Variants in CEP63 observed in about 807,000 individuals in gnomAD.
CEP63 encodes centrosomal protein 63, also known as centrosomal protein of 63 kDa.
CEP63 carries 84 observed loss-of-function variants against 89.1 expected under a neutral mutation model. The observed-to-expected ratio is 0.94, with a 90% CI of 0.79 to 1.13. The LOEUF (loss-of-function observed/expected upper bound fraction) is 1.13. CEP63 is among the 50% of genes most tolerant of loss of function. The pLI is 0.00. For synonymous variants in CEP63, 267 were observed against 272.5 expected (o/e 0.98, Z 0.20); for missense variants, 838 against 813.3 (o/e 1.03, Z -0.37).
chr3:134,532,588 A>T lies in CEP63; in HGVS notation c.319-190A>T, dbSNP rs529218068. On this transcript the variant is annotated intron_variant, in intron 4 of 14. Coordinates refer to ENST00000675561, the MANE Select transcript of CEP63 (RefSeq NM_001353108.3). Reference sequence around the variant, plus strand: ...AATTTTTTTTAAAATTTTTTCTTTGAATATATTTCTTTAGTAGTGTTTGTT... The same window carrying T: ...AATTTTTTTTAAAATTTTTTCTTTGTATATATTTCTTTAGTAGTGTTTGTT... Among the ~76,000 whole-genome samples the T allele has an allele frequency of 3.2e-4, 48 of 152,184 alleles. 1 individual carries two copies. Among genetic ancestry groups the T allele is most frequent in the Middle Eastern group, 6.8e-3 (2 of 294 alleles).
At chr3:134,520,643 TA>T (rs1947239139) in intron 3 of CEP63, among the ~76,000 whole-genome samples, 1 of 152,112 alleles carries the variant, frequency 6.6e-6, no homozygotes, top group South Asian at 2.1e-4. Flanking sequence ...CAAGATTTAT[TA>T]AAAACTATAT....
chr3:134,648,315 C>G, the CEP63 span, among the ~76,000 whole-genome samples: 1 of 152,126 alleles, frequency 6.6e-6, no homozygotes, highest in Non-Finnish European at 1.5e-5. Context: ...ACTCAGGGGC[C>G]GCCACTCTCT....
chr3:134,622,910 G>A, the CEP63 span, among the ~76,000 whole-genome samples: 1 of 152,166 alleles, frequency 6.6e-6, no homozygotes, highest in Non-Finnish European at 1.5e-5. Context: ...AGAGATTCCA[G>A]GACTCACCTG....
At chr3:134,627,132 A>G in the CEP63 span, among the ~76,000 whole-genome samples, 4 of 152,256 alleles carry the variant, frequency 2.6e-5, no homozygotes, top group Admixed American at 6.5e-5. Context: ...AAAAATGCCC[A>G]TGATTTATGC....
At chr3:134,661,816 C>CT in the CEP63 span, among the ~76,000 whole-genome samples, 1 of 151,270 alleles carries the variant, frequency 6.6e-6, no homozygotes, top group South Asian at 2.1e-4. Flanking sequence ...TGCCCCCCCC[C>CT]TCAAATTCAT....
intron 3 of CEP63, among the ~76,000 whole-genome samples, chr3:134,518,452 G>A (rs1946698723): frequency 1.3e-5 from 2 of 151,990 alleles, no homozygotes; most frequent in South Asian, 4.1e-4. Flanking sequence ...TGACCAAGGT[G>A]GATTTAATCT....
rs369310177 is a variant in CEP63, at chr3:134,561,462, G to T, written c.2039G>T (p.Arg680Leu). 43 of 1,613,660 alleles carry T rather than the reference G, an allele frequency of 2.7e-5. No homozygotes were observed. The highest frequency in any genetic ancestry group is 3.6e-5 in the Non-Finnish European group (42 of 1,179,816). Residue 680 changes from arginine (R) to leucine (L), a missense_variant, in exon 15 of 15, where the codon CGC becomes CTC. Transcript: ENST00000675561. ...EELRSHHILERLDAHIEELKR... is the reference protein window; with the variant it reads ...EELRSHHILELLDAHIEELKR... ...CTGAGGTCTCATCACATTCTAGAGC[G>T]CTTGGATGCCCATATTGAAGAACTA...
rs1942692645 is a variant in CEP63 at position 134,503,678 on chromosome 3, G to C, written c.45-3431G>C. ...CTAATAATATTTGCTTCATATGTCT[G>C]TGTGCTCTGGTGTTGGATGTATGTA... On this transcript the variant is annotated intron_variant, in intron 2 of 14. Transcript: ENST00000675561. Among the ~76,000 whole-genome samples, 14 of 152,172 alleles carry C rather than the reference G, an allele frequency of 9.2e-5. No individual in the cohort carries two copies. In the South Asian group the frequency reaches 2.9e-3, roughly 32 times the overall value.
At chr3:134,597,134 A>G in the CEP63 span, among the ~76,000 whole-genome samples, 6 of 152,244 alleles carry the variant, frequency 3.9e-5, no homozygotes, top group African/African-American at 1.2e-4. Flanking sequence ...CTCATCCCTG[A>G]GCAATGGGGA....
At chr3:134,709,642 A>G in the CEP63 span, among the ~76,000 whole-genome samples, 5 of 152,308 alleles carry the variant, frequency 3.3e-5, no homozygotes, top group Non-Finnish European at 5.9e-5. Flanking sequence ...GAATAAATGG[A>G]CACTTGTGCA....
At chr3:134,504,113 C>CT (rs74269454) in intron 2 of CEP63, among the ~76,000 whole-genome samples, 85 of 143,854 alleles carry the variant, frequency 5.9e-4, no homozygotes, top group Middle Eastern at 7.2e-3. Context: ...GTCTCTCTCT[C>CT]TTTTTTTTTT....
chr3:134,768,839 C>T, the CEP63 span, among the ~76,000 whole-genome samples: 4 of 152,140 alleles, frequency 2.6e-5, no homozygotes, highest in Non-Finnish European at 5.9e-5. Flanking sequence ...CAGACTTGGC[C>T]GGGTGGGCCC....
chr3:134,653,519 T>C, the CEP63 span, among the ~76,000 whole-genome samples: 22 of 152,208 alleles, frequency 1.4e-4, no homozygotes, highest in Non-Finnish European at 1.5e-4. Flanking sequence ...TGAGATGCTC[T>C]TCTTAATGCC....
chr3:134,724,983 A>G, the CEP63 span, among the ~76,000 whole-genome samples: 6 of 152,202 alleles, frequency 3.9e-5, no homozygotes, highest in Admixed American at 3.9e-4. Flanking sequence ...CAACCAGCTG[A>G]CCTGGAGGAA....
the CEP63 span, chr3:134,607,350 G>A: frequency 1.0e-6 from 1 of 985,538 alleles, no homozygotes; most frequent in African/African-American, 1.7e-5. Context: ...CTAACTTGGG[G>A]ACACCTGTGC....
intron 14 of CEP63, among the ~76,000 whole-genome samples, chr3:134,560,273 C>T (rs530482587): frequency 2.6e-5 from 4 of 152,174 alleles, no homozygotes; most frequent in Non-Finnish European, 5.9e-5. Flanking sequence ...GGGATGTTCC[C>T]TCAGACTCCA....
chr3:134,564,387 A>G lies in CEP63; in HGVS notation c.*2852A>G, dbSNP rs1560065986. The G allele has an allele frequency of 1.0e-6, 1 of 985,446 alleles. No homozygotes were observed. The highest frequency in any genetic ancestry group is 1.2e-6 in the Non-Finnish European group (1 of 830,002). 61.0% of individuals were successfully genotyped at this position (985,446 alleles called of 1,614,324 possible). A position where few individuals can be genotyped will look rare whatever the true frequency, so the allele number is the denominator to read the frequency against. ...CTTGGCTACTTTATCTGGCTTGGCAAAGCTTTCCCATATCCCCTGACCCAT... is the reference window on the plus strand; with the variant it reads ...CTTGGCTACTTTATCTGGCTTGGCAGAGCTTTCCCATATCCCCTGACCCAT... On this transcript the variant is annotated 3_prime_UTR_variant, in exon 15 of 15. Coordinates refer to ENST00000675561, the MANE Select transcript of CEP63 (RefSeq NM_001353108.3).
the CEP63 span, among the ~76,000 whole-genome samples, chr3:134,751,645 G>A: frequency 6.6e-6 from 1 of 152,174 alleles, no homozygotes; most frequent in African/African-American, 2.4e-5. Flanking sequence ...TGAGGTGCCA[G>A]CTGGATGCCC....
chr3:134,503,037 T>A (rs765394609), intron 2 of CEP63, among the ~76,000 whole-genome samples: 1 of 151,476 alleles, frequency 6.6e-6, no homozygotes, highest in Non-Finnish European at 1.5e-5. Context: ...TTTTGAGAAT[T>A]CCTCCTGGTA....
Sources: gnomAD v4.1 joint callset for allele counts (sites outside exome capture counted in the v4.1 genomes callset) on GRCh38, gnomAD v4.1.1 for gene constraint, MANE v1.5 for transcripts, NCBI Gene and HGNC (gene_info 2026-07-23, HGNC 2026-07-21) for gene names.